The following MARCHF1 variants were observed in gnomAD, a reference collection of about 807,000 sequenced individuals.
MARCHF1 encodes the protein E3 ubiquitin-protein ligase MARCHF1.
Under a neutral mutation model 54.2 loss-of-function variants are expected in MARCHF1, and 40 were observed. The observed-to-expected ratio is 0.74, with a 90% CI of 0.57 to 0.96. The LOEUF is 0.96. Ranked by LOEUF, MARCHF1 falls within the 40% of genes least tolerant of loss-of-function variation. MARCHF1 has a pLI of 0.00. For synonymous variants in MARCHF1, 236 were observed against 236.3 expected, an observed-to-expected ratio of 1.00 and a Z score of 0.01; for missense variants, 586 against 656.5, an observed-to-expected ratio of 0.89 and a Z score of 1.17.
chr4:163,764,444 G>A (rs937320965), intron 4 of MARCHF1, among the ~76,000 whole-genome samples: 3 of 152,080 alleles, frequency 2.0e-5, no homozygotes, highest in African/African-American at 4.8e-5. Flanking sequence ...GGAAAAATGT[G>A]TAAGGTTGCT....
At chr4:163,580,705 A>T (rs541968470) in intron 8 of MARCHF1, among the ~76,000 whole-genome samples, 1 of 152,306 alleles carries the variant, frequency 6.6e-6, no homozygotes, top group East Asian at 1.9e-4. Flanking sequence ...GTAAAATATT[A>T]TTGTTTAAGA....
intron 2 of MARCHF1, among the ~76,000 whole-genome samples, chr4:164,111,149 A>G (rs1348756503): frequency 6.6e-6 from 1 of 151,870 alleles, no homozygotes; most frequent in Non-Finnish European, 1.5e-5. Flanking sequence ...TAATCCAAGT[A>G]TTAGTAACAA....
At chr4:163,632,551 C>T (rs1376317465) in intron 5 of MARCHF1, among the ~76,000 whole-genome samples, 5 of 152,200 alleles carry the variant, frequency 3.3e-5, no homozygotes, top group African/African-American at 7.2e-5. Flanking sequence ...GCTTAAAAAA[C>T]GGCGCACCAC....
At chr4:164,251,778 T>C (rs141479923) in intron 1 of MARCHF1, among the ~76,000 whole-genome samples, 3 of 152,054 alleles carry the variant, frequency 2.0e-5, no homozygotes, top group East Asian at 1.9e-4. Context: ...CATAGCTGCA[T>C]GCTAATAAAT....
chr4:164,185,810 A>ACACACAC (rs1553990115), intron 1 of MARCHF1, among the ~76,000 whole-genome samples: 271 of 64,846 alleles, frequency 4.2e-3, no homozygotes, highest in African/African-American at 0.019. Flanking sequence ...ACACACACAC[A>ACACACAC]AAAAAAAAAA....
At chr4:164,366,914 G>C (rs894643669) in intron 1 of MARCHF1, among the ~76,000 whole-genome samples, 6 of 97,766 alleles carry the variant, frequency 6.1e-5, no homozygotes, top group African/African-American at 1.9e-4. Context: ...TCATTACTAA[G>C]CACCAACCTC....
chr4:163,557,561 TCA>T lies in MARCHF1; in HGVS notation c.1192-11820_1192-11819del, dbSNP rs145930804. On this transcript the variant is annotated intron_variant, in intron 8 of 9. Coordinates refer to ENST00000514618, the MANE Select transcript of MARCHF1 (RefSeq NM_001394959.1). ...TTTTTGAGACATAGGTGATAATTTT[TCA>T]CATTCTAGAACAGTTCCCATTTTTC... Among the ~76,000 whole-genome samples, 243 of 152,330 alleles carry T rather than the reference TCA, an allele frequency of 1.6e-3. 1 individual carries two copies. Among genetic ancestry groups the T allele is most frequent in the African/African-American group, 5.6e-3 (232 of 41,572 alleles).
At chr4:164,239,732 G>T (rs1417919877) in intron 1 of MARCHF1, among the ~76,000 whole-genome samples, 3 of 152,082 alleles carry the variant, frequency 2.0e-5, no homozygotes, top group Non-Finnish European at 4.4e-5. Flanking sequence ...TGTTAAACTT[G>T]ATCATCTCTC....
chr4:163,611,645 A>G (rs1741344840), intron 7 of MARCHF1, among the ~76,000 whole-genome samples: 1 of 152,110 alleles, frequency 6.6e-6, no homozygotes, highest in African/African-American at 2.4e-5. Flanking sequence ...AAGAGCAAGA[A>G]CGCTGCCACA....
chr4:163,743,745 A>AT (rs2110743736), intron 4 of MARCHF1, among the ~76,000 whole-genome samples: 1 of 152,114 alleles, frequency 6.6e-6, no homozygotes, highest in East Asian at 1.9e-4. Flanking sequence ...TGCCTGGCCA[A>AT]TTTTTTTGAG....
chr4:164,249,621 T>C (rs1733065239), intron 1 of MARCHF1, among the ~76,000 whole-genome samples: 1 of 151,958 alleles, frequency 6.6e-6, no homozygotes, highest in Admixed American at 6.6e-5. Context: ...ACAACAGGAC[T>C]ATATTTCAAG....
chr4:163,910,091 CATCTAACAT>C (rs1387110948), intron 3 of MARCHF1, among the ~76,000 whole-genome samples: 9 of 111,270 alleles, frequency 8.1e-5, no homozygotes, highest in Non-Finnish European at 1.7e-4. Context: ...CATAGTCAAA[CATCTAACAT>C]ATAAGAACAA....
intron 2 of MARCHF1, among the ~76,000 whole-genome samples, chr4:164,095,525 G>T (rs2111142587): frequency 6.6e-6 from 1 of 151,960 alleles, no homozygotes; most frequent in East Asian, 1.9e-4. Flanking sequence ...AGCATTTATT[G>T]TGTCAAGAGT....
chr4:163,720,900 GTTGCTTATC>G (rs1429774815), intron 4 of MARCHF1, among the ~76,000 whole-genome samples: 1 of 152,214 alleles, frequency 6.6e-6, no homozygotes, highest in Non-Finnish European at 1.5e-5. Context: ...CTTTGCTGAA[GTTGCTTATC>G]AGCTTAAGGA....
intron 2 of MARCHF1, among the ~76,000 whole-genome samples, chr4:164,100,265 G>A (rs1315604512): frequency 6.6e-6 from 1 of 152,142 alleles, no homozygotes; most frequent in Non-Finnish European, 1.5e-5. Context: ...CATTCACCTG[G>A]CAGATTAATT....
At chr4:163,932,911 C>T (rs72687911) in intron 3 of MARCHF1, 61,552 of 638,418 alleles carry the variant, frequency 0.096, 3,144 homozygotes, top group Admixed American at 0.11. Flanking sequence ...TTTGCTGAAG[C>T]TGCATGTGGT....
At chr4:164,146,298 T>C (rs1164783452) in intron 1 of MARCHF1, among the ~76,000 whole-genome samples, 7 of 148,100 alleles carry the variant, frequency 4.7e-5, no homozygotes, top group Admixed American at 4.7e-4. Flanking sequence ...CCAATGACTT[T>C]CTTCACAGAA....
At chr4:164,241,781 G>C (rs999251914) in intron 1 of MARCHF1, among the ~76,000 whole-genome samples, 24 of 152,190 alleles carry the variant, frequency 1.6e-4, no homozygotes, top group Non-Finnish European at 2.8e-4. Flanking sequence ...CACAGTGCGC[G>C]AGCCGAAGCA....
intron 1 of MARCHF1, among the ~76,000 whole-genome samples, chr4:164,246,841 AAAAAC>A (rs1405754699): frequency 1.5e-5 from 2 of 130,274 alleles, no homozygotes; most frequent in African/African-American, 5.6e-5. Flanking sequence ...TATGCAGCCA[AAAAAC>A]ACATGAAAAA....
Sources: gnomAD v4.1 joint callset for allele counts (sites outside exome capture counted in the v4.1 genomes callset) on GRCh38, gnomAD v4.1.1 for gene constraint, MANE v1.5 for transcripts, NCBI Gene and HGNC (gene_info 2026-07-23, HGNC 2026-07-21) for gene names.